The following MDGA2 variants were observed in gnomAD, a reference collection of about 807,000 sequenced individuals.
The protein encoded by MDGA2 is MAM domain containing glycosylphosphatidylinositol anchor 2, also known as MAM domain-containing glycosylphosphatidylinositol anchor protein 2.
In MDGA2, 40 loss-of-function variants were observed where a neutral mutation model predicts 117.8. The ratio of observed to expected loss-of-function variants is 0.34; its 90% CI spans 0.26 to 0.44. The LOEUF is 0.44. Ranked by LOEUF, MDGA2 falls within the 20% of genes least tolerant of loss-of-function variation. The pLI is 1.00. For synonymous variants in MDGA2, 452 were observed against 439.0 expected (o/e 1.03, Z -0.37); for missense variants, 1,123 against 1,250.6 (o/e 0.90, Z 1.54).
intron 15 of MDGA2, 46 bp from the exon 16 acceptor site, chr14:46,845,917 C>T (rs376777807): frequency 1.4e-6 from 2 of 1,422,104 alleles, no homozygotes; most frequent in African/African-American, 2.8e-5. Flanking sequence ...CTTTGATTTG[C>T]AGATCAGTTT....
chr14:47,054,337 A>ATTG (rs1471893926), intron 7 of MDGA2, among the ~76,000 whole-genome samples: 5 of 151,694 alleles, frequency 3.3e-5, no homozygotes, highest in Admixed American at 6.6e-5. Context: ...TATTATTATT[A>ATTG]TTATACTTTA....
At chr14:47,118,823 T>C (rs2139091185) in intron 5 of MDGA2, among the ~76,000 whole-genome samples, 1 of 152,294 alleles carries the variant, frequency 6.6e-6, no homozygotes, top group African/African-American at 2.4e-5. Context: ...AGCCTCAACC[T>C]GGCAGGCTCA....
At chr14:47,595,627 G>T (rs1233060458) in intron 1 of MDGA2, among the ~76,000 whole-genome samples, 1 of 151,126 alleles carries the variant, frequency 6.6e-6, no homozygotes, top group Non-Finnish European at 1.5e-5. Context: ...CGAAGTGAAG[G>T]ATTCACTGAA....
chr14:47,473,673 A>G (rs1893775801), intron 1 of MDGA2, among the ~76,000 whole-genome samples: 1 of 152,130 alleles, frequency 6.6e-6, no homozygotes, highest in South Asian at 2.1e-4. Context: ...TGAATACTCC[A>G]ATAAAAAAAG....
intron 1 of MDGA2, among the ~76,000 whole-genome samples, chr14:47,512,260 A>G (rs1385349136): frequency 2.0e-5 from 3 of 152,194 alleles, no homozygotes; most frequent in Non-Finnish European, 2.9e-5. Context: ...ATGAATTTAA[A>G]TTAAATAAGT....
At chr14:47,195,949 A>C (rs1455607591) in intron 3 of MDGA2, among the ~76,000 whole-genome samples, 1 of 152,092 alleles carries the variant, frequency 6.6e-6, no homozygotes, top group Non-Finnish European at 1.5e-5. Flanking sequence ...AATTTGATTT[A>C]CATTTTAAAT....
chr14:47,571,964 A>T (rs1386944591), intron 1 of MDGA2, among the ~76,000 whole-genome samples: 2 of 152,210 alleles, frequency 1.3e-5, no homozygotes, highest in Non-Finnish European at 2.9e-5. Flanking sequence ...TCTTATGCAC[A>T]CACATACATA....
At position 47,633,453 on chromosome 14, in the gene MDGA2, C is replaced by T. The variant is rs114328308; in HGVS notation, c.280+41064G>A. On this transcript the variant is annotated intron_variant, in intron 1 of 16. Coordinates refer to ENST00000399232, the MANE Select transcript of MDGA2 (RefSeq NM_001113498.3). ...TGCATGTGTAAGTGTGTAAATTGAA[C>T]CATTCAGGGATAATCTCTAACACTG... is the stretch of plus-strand genomic sequence containing the variant. Among the ~76,000 whole-genome samples the T allele has an allele frequency of 3.8e-3, 571 of 152,210 alleles. 2 individuals are homozygous for T. Among genetic ancestry groups the T allele is most frequent in the African/African-American group, 0.013 (534 of 41,528 alleles).
intron 1 of MDGA2, among the ~76,000 whole-genome samples, chr14:47,536,273 C>G (rs1295259346): frequency 6.6e-6 from 1 of 152,176 alleles, no homozygotes; most frequent in Non-Finnish European, 1.5e-5. Flanking sequence ...ACAAATGAAT[C>G]ATTAAAAACA....
chr14:47,221,003 G>C (rs1000146483), intron 2 of MDGA2, among the ~76,000 whole-genome samples: 10 of 152,180 alleles, frequency 6.6e-5, no homozygotes, highest in African/African-American at 9.7e-5. Flanking sequence ...TCTGAGGTCT[G>C]GGATTGTGAG....
At chr14:47,432,546 A>G (rs1475721207) in intron 1 of MDGA2, among the ~76,000 whole-genome samples, 1 of 152,060 alleles carries the variant, frequency 6.6e-6, no homozygotes, top group Admixed American at 6.6e-5. Context: ...TGAAAACAGG[A>G]TAGGATCTCA....
At chr14:47,224,850 T>G (rs1371164869) in intron 2 of MDGA2, among the ~76,000 whole-genome samples, 1 of 152,184 alleles carries the variant, frequency 6.6e-6, no homozygotes, top group Non-Finnish European at 1.5e-5. Flanking sequence ...ATTATCCTTT[T>G]GTCCTGCACT....
chr14:47,076,839 A>T (rs1959815), intron 6 of MDGA2, among the ~76,000 whole-genome samples: 1 of 151,954 alleles, frequency 6.6e-6, no homozygotes, highest in African/African-American at 2.4e-5. Flanking sequence ...CATTAGCTTC[A>T]TATGTTTTAT....
chr14:46,925,264 A>C (rs1390133105), intron 9 of MDGA2, among the ~76,000 whole-genome samples: 1 of 152,188 alleles, frequency 6.6e-6, no homozygotes. Flanking sequence ...ACAAATACAC[A>C]AGAAAACGTT....
chr14:47,036,285 A>AG lies in MDGA2; in HGVS notation c.1526-982_1526-981insC, dbSNP rs1888850778. ...ACTCTGTCTCCAAAAAAAAAAAAAA[A>AG]AAAAAAAAGAATTATAATTTTTCTC... On this transcript the variant is annotated intron_variant, in intron 7 of 16. Coordinates refer to ENST00000399232, the MANE Select transcript of MDGA2 (RefSeq NM_001113498.3). Among the ~76,000 whole-genome samples, 5 of 151,768 alleles carry AG rather than the reference A, an allele frequency of 3.3e-5. No homozygotes were observed. In the South Asian group the frequency reaches 1.0e-3, roughly 31 times the overall value.
intron 1 of MDGA2, among the ~76,000 whole-genome samples, chr14:47,559,945 G>C (rs1271871701): frequency 6.6e-6 from 1 of 152,138 alleles, no homozygotes; most frequent in African/African-American, 2.4e-5. Context: ...GGGTCAAATG[G>C]CACGTCTAAG....
chr14:47,459,512 G>A (rs1311792677), intron 1 of MDGA2, among the ~76,000 whole-genome samples: 2 of 140,526 alleles, frequency 1.4e-5, no homozygotes, highest in Non-Finnish European at 3.1e-5. Context: ...CCCTCCCTCC[G>A]TCCCTCTCTT....
intron 10 of MDGA2, among the ~76,000 whole-genome samples, chr14:46,903,067 T>G (rs1244273853): frequency 5.3e-5 from 8 of 152,218 alleles, no homozygotes; most frequent in Non-Finnish European, 1.0e-4. Context: ...TCCTGTGCTG[T>G]GGCCTGTTAT....
intron 14 of MDGA2, among the ~76,000 whole-genome samples, chr14:46,864,631 C>A (rs993341390): frequency 4.1e-5 from 5 of 120,940 alleles, no homozygotes; most frequent in South Asian, 2.8e-4. Flanking sequence ...AAGCAGTTTA[C>A]TGAATGAATG....
Sources: gnomAD v4.1 joint callset for allele counts (sites outside exome capture counted in the v4.1 genomes callset) on GRCh38, gnomAD v4.1.1 for gene constraint, MANE v1.5 for transcripts, NCBI Gene and HGNC (gene_info 2026-07-23, HGNC 2026-07-21) for gene names.